Variants in AGPAT4 observed in about 807,000 individuals in gnomAD.
The protein encoded by AGPAT4 is 1-acyl-sn-glycerol-3-phosphate acyltransferase delta.
A neutral mutation model predicts 48.0 loss-of-function variants in AGPAT4; 15 were observed. That is an observed-to-expected ratio of 0.31 (90% CI 0.21 to 0.48). The LOEUF is 0.48. Ranked by LOEUF, AGPAT4 falls within the 20% of genes least tolerant of loss-of-function variation. AGPAT4 has a pLI of 0.99. For missense variants in AGPAT4, 314 were observed against 482.5 expected (o/e 0.65, Z 3.27); for synonymous variants, 178 against 198.7 (o/e 0.90, Z 0.88).
Position 161,154,242 on chromosome 6 carries a change from G to A in AGPAT4, c.417C>T (p.Thr139=), listed in dbSNP as rs547296358. Residue 139 remains threonine (T), a synonymous_variant, in exon 4 of 9, where the codon ACC becomes ACT. Transcript: ENST00000320285. This position sits in a 1 kb window ranked among gnomAD's most constrained non-coding sequence, Gnocchi z 7.8. The part of the protein sequence containing the change: ...VPIIGWMWYF[T]EMVFCSRKWE... Reference sequence around the variant, plus strand: ...ACTTGCGCGAACAGAAGACCATCTCGGTGAAGTACCACATCCAGCCGATAA... The same window carrying A: ...ACTTGCGCGAACAGAAGACCATCTCAGTGAAGTACCACATCCAGCCGATAA... 21 of 1,614,146 alleles carry A rather than the reference G, an allele frequency of 1.3e-5. No individual in the cohort carries two copies. The highest frequency in any genetic ancestry group is 6.7e-5 in the Admixed American group (4 of 60,026).
rs78895011 is a variant in AGPAT4 at position 161,158,835 on chromosome 6, G to A, written c.349-4525C>T. 8.1e-3 allele frequency among the ~76,000 whole-genome samples: 1,238 copies of A among 152,258 alleles called. 19 individuals are homozygous for A. The highest frequency in any genetic ancestry group is 0.029 in the African/African-American group (1,193 of 41,556). ...CCGGTGCTGCGAGCAGCATGGCTGG[G>A]AGCAGCAGGGTATCCTGCTCCTGCA... On this transcript the variant is annotated intron_variant, in intron 3 of 8. Transcript: ENST00000320285. The surrounding 1 kb of genome is among the most constrained non-coding windows in gnomAD (Gnocchi z 5.3).
rs1782521632 is a variant in AGPAT4, at chr6:161,242,509, C to G, written c.-89-10207G>C. 1.3e-5 allele frequency among the ~76,000 whole-genome samples: 2 copies of G among 152,148 alleles called. No homozygotes were observed. The highest frequency in any genetic ancestry group is 4.1e-4 in the South Asian group (2 of 4,834). On this transcript the variant is annotated intron_variant, in intron 1 of 8. Transcript: ENST00000320285. This position sits in a 1 kb window ranked among gnomAD's most constrained non-coding sequence, Gnocchi z 5.0. The stretch of plus-strand genomic sequence containing the variant: ...AAACCCCATCCAGCTCGCCCGCAGC[C>G]TCATGGGGCTGGAGGGTGCAGACCT...
chr6:161,241,332 T>C (rs1782483054), intron 1 of AGPAT4, among the ~76,000 whole-genome samples: 1 of 151,914 alleles, frequency 6.6e-6, no homozygotes, highest in Non-Finnish European at 1.5e-5. Flanking sequence ...AAAATTCATG[T>C]ATTTTAAAAT....
rs1783177396 is a variant in AGPAT4, at chr6:161,264,051, G to A, written c.-90+9887C>T. 6.6e-6 allele frequency among the ~76,000 whole-genome samples: 1 copy of A among 152,092 alleles called. No individual in the cohort carries two copies. The highest frequency in any genetic ancestry group is 2.1e-4 in the South Asian group (1 of 4,830). The stretch of plus-strand genomic sequence containing the variant: ...GGCTGGGGGCAAGCTGAAATGAGGT[G>A]TTATACAAAGCAGACAGCTTCTAGT... On this transcript the variant is annotated intron_variant, in intron 1 of 8. Transcript: ENST00000320285. The surrounding 1 kb of genome is among the most constrained non-coding windows in gnomAD (Gnocchi z 6.8).
In AGPAT4 at chr6:161,239,469, G is replaced by A. The variant is rs182173307; in HGVS notation, c.-89-7167C>T. ...AATGGGATTAACTCCGCCACTAGCT[G>A]GATTTAAAAGGTATTTATTTGTTTG... On this transcript the variant is annotated intron_variant, in intron 1 of 8. Coordinates refer to ENST00000320285, the MANE Select transcript of AGPAT4 (RefSeq NM_020133.3). Among the ~76,000 whole-genome samples the A allele has an allele frequency of 1.1e-3, 174 of 152,264 alleles. 1 individual carries two copies. Among genetic ancestry groups the A allele is most frequent in the Admixed American group, 0.011 (174 of 15,294 alleles).
At chr6:161,265,664 G>A (rs1245792952) in intron 1 of AGPAT4, among the ~76,000 whole-genome samples, 1 of 152,130 alleles carries the variant, frequency 6.6e-6, no homozygotes, top group African/African-American at 2.4e-5. Flanking sequence ...TCACTCCAGA[G>A]AGGTTTGGAA....
At position 161,219,877 on chromosome 6, in the gene AGPAT4, A is replaced by ATAGATG. The variant is rs1562343689; in HGVS notation, c.178+12158_178+12159insCATCTA. On this transcript the variant is annotated intron_variant, in intron 2 of 8. Transcript: ENST00000320285. This position sits in a 1 kb window ranked among gnomAD's most constrained non-coding sequence, Gnocchi z 4.9. ...TAGATAGATAGATAGATAGATAGGC[A>ATAGATG]GGCAGGCAGGCAGGCAGGCAGGCAG... Among the ~76,000 whole-genome samples the ATAGATG allele has an allele frequency of 9.4e-6, 1 of 106,472 alleles. No individual in the cohort carries two copies. Among genetic ancestry groups the ATAGATG allele is most frequent in the African/African-American group, 3.2e-5 (1 of 31,182 alleles). The allele number at this position is 106,472 out of a possible 152,430, so 69.8% of individuals were successfully genotyped here.
At position 161,224,205 on chromosome 6, in the gene AGPAT4, G is replaced by A. The variant is rs7742853; in HGVS notation, c.178+7831C>T. On this transcript the variant is annotated intron_variant, in intron 2 of 8. Transcript: ENST00000320285. ...GTTTGTTTGTTGTCCTATACATAAA[G>A]CTTTACTAAGAGAGGAGAAAACAGA... Among the ~76,000 whole-genome samples the A allele has an allele frequency of 3.8e-3, 577 of 152,280 alleles. 4 individuals carry two copies. The highest frequency in any genetic ancestry group is 0.013 in the African/African-American group (554 of 41,566).
In AGPAT4 at chr6:161,139,568, A is replaced by G. The variant is rs757160130; in HGVS notation, c.896T>C (p.Met299Thr). ...YRTGTFPETP[M>T]VPPRRPWTLV... ...GGTCCAGGGCCGCCGGGGGGGCACC[A>G]TGGGCGTCTCTGGGAAGGTGCCCGT... The change falls in exon 8 of 9, where the codon ATG (methionine) becomes ACG (threonine). Residue 299 changes from methionine to threonine, a missense_variant. Transcript: ENST00000320285. The surrounding 1 kb of genome is among the most constrained non-coding windows in gnomAD (Gnocchi z 9.1). 40 of 1,613,762 alleles carry G rather than the reference A, an allele frequency of 2.5e-5. 1 individual carries two copies. The South Asian group carries it at 4.1e-4, about 16-fold the overall frequency.
chr6:161,194,444 T>TTGTGTG (rs34145722), intron 2 of AGPAT4, among the ~76,000 whole-genome samples: 44 of 148,826 alleles, frequency 3.0e-4, no homozygotes, highest in East Asian at 9.9e-4. Flanking sequence ...GTGTGTGTGT[T>TTGTGTG]TGTGTGTGTG....
rs559784247 is a variant in AGPAT4 at position 161,215,815 on chromosome 6, T to C, written c.178+16221A>G. Among the ~76,000 whole-genome samples, 9 of 152,338 alleles carry C rather than the reference T, an allele frequency of 5.9e-5. No individual in the cohort carries two copies. In the East Asian group the frequency reaches 1.7e-3, roughly 29 times the overall value. On this transcript the variant is annotated intron_variant, in intron 2 of 8. Coordinates refer to ENST00000320285, the MANE Select transcript of AGPAT4 (RefSeq NM_020133.3). This position sits in a 1 kb window ranked among gnomAD's most constrained non-coding sequence, Gnocchi z 4.5. Reference sequence around the variant, plus strand: ...CCAACCCATTGTAATTTCTCCTTTTTAGGTAGATATACCCATTATTTTATT... The same window carrying C: ...CCAACCCATTGTAATTTCTCCTTTTCAGGTAGATATACCCATTATTTTATT...
rs1026245955 is a variant in AGPAT4 at position 161,178,219 on chromosome 6, C to T, written c.179-11802G>A. ...TTAAGTCTGCAGAAGTTTCTGCTGC[C>T]CTGCCCCCAGAGGTGGAGTCTACAG... On this transcript the variant is annotated intron_variant, in intron 2 of 8. Coordinates refer to ENST00000320285, the MANE Select transcript of AGPAT4 (RefSeq NM_020133.3). The surrounding 1 kb of genome is among the most constrained non-coding windows in gnomAD (Gnocchi z 5.1). Among the ~76,000 whole-genome samples the T allele has an allele frequency of 2.6e-5, 4 of 152,182 alleles. No individual in the cohort carries two copies. Among genetic ancestry groups the T allele is most frequent in the Non-Finnish European group, 5.9e-5 (4 of 68,036 alleles).
rs1172844414 is a variant in AGPAT4 at position 161,133,522 on chromosome 6, T to C, written c.*3018A>G. The C allele has an allele frequency of 1.3e-5, 2 of 152,218 alleles. No individual in the cohort carries two copies. The highest frequency in any genetic ancestry group is 4.8e-5 in the African/African-American group (2 of 41,450). The allele number at this position is 152,218 out of a possible 1,614,324, so 9.4% of individuals were successfully genotyped here. A position where few individuals can be genotyped will look rare whatever the true frequency, so the allele number is the denominator to read the frequency against. Reference sequence around the variant, plus strand: ...CTTCCTCCCGATTAATCGTGTTCACTATATGGTGGCAGAATCAGTCCAGTC... The same window carrying C: ...CTTCCTCCCGATTAATCGTGTTCACCATATGGTGGCAGAATCAGTCCAGTC... On this transcript the variant is annotated 3_prime_UTR_variant, in exon 9 of 9. Coordinates refer to ENST00000320285, the MANE Select transcript of AGPAT4 (RefSeq NM_020133.3).
chr6:161,170,151 T>C (rs1021748952), intron 2 of AGPAT4, among the ~76,000 whole-genome samples: 4 of 152,190 alleles, frequency 2.6e-5, no homozygotes, highest in Admixed American at 2.6e-4. Context: ...TTCCAACATC[T>C]TGATCTCTCC....
At chr6:161,250,728 T>G (rs921781223) in intron 1 of AGPAT4, among the ~76,000 whole-genome samples, 1 of 152,172 alleles carries the variant, frequency 6.6e-6, no homozygotes. Flanking sequence ...TTTGTAGCTG[T>G]TTATATTCTT....
At chr6:161,153,235 G>A in intron 5 of AGPAT4, 111 bp downstream of exon 5, 2 of 1,412,838 alleles carry the variant, frequency 1.4e-6, no homozygotes, top group Non-Finnish European at 1.9e-6. Flanking sequence ...TGAGCTCCTA[G>A]CCTCAAGTCA....
At chr6:161,250,481 TATC>T (rs1243411342) in intron 1 of AGPAT4, among the ~76,000 whole-genome samples, 2 of 152,204 alleles carry the variant, frequency 1.3e-5, no homozygotes, top group African/African-American at 4.8e-5. Flanking sequence ...ATACTAGACA[TATC>T]ATAATTATTA....
intron 2 of AGPAT4, among the ~76,000 whole-genome samples, chr6:161,181,332 T>C (rs1267588405): frequency 6.6e-6 from 1 of 152,056 alleles, no homozygotes; most frequent in Non-Finnish European, 1.5e-5. Flanking sequence ...TGCCAAGCAG[T>C]CCCTTTGTGC....
rs1232406125 is a variant in AGPAT4, at chr6:161,272,729, CACAA to C, written c.-90+1205_-90+1208del. Among the ~76,000 whole-genome samples the C allele has an allele frequency of 1.3e-5, 2 of 151,928 alleles. No individual in the cohort carries two copies. Among genetic ancestry groups the C allele is most frequent in the Non-Finnish European group, 2.9e-5 (2 of 68,002 alleles). On this transcript the variant is annotated intron_variant, in intron 1 of 8. Transcript: ENST00000320285. This position sits in a 1 kb window ranked among gnomAD's most constrained non-coding sequence, Gnocchi z 4.2. ...AAACACACACACACACACACACACACACAAACACACACATTCTCCCTTCTCTCAA... is the reference window on the plus strand; with the variant it reads ...AAACACACACACACACACACACACACACACACACATTCTCCCTTCTCTCAA...
Sources: allele counts gnomAD v4.1 joint callset (sites outside exome capture counted in the v4.1 genomes callset), GRCh38; gene constraint gnomAD v4.1.1; non-coding constraint Gnocchi (gnomAD v3.1); transcripts MANE v1.5; gene names NCBI Gene and HGNC (gene_info 2026-07-23, HGNC 2026-07-21).